SLC7A9: variants seen among roughly 807,000 people sequenced by gnomAD.
The protein encoded by SLC7A9 is B(0,+)-type amino acid transporter 1.
SLC7A9 carries 38 observed loss-of-function variants against 54.1 expected under a neutral mutation model. That is an observed-to-expected ratio of 0.70 (90% CI 0.54 to 0.92). SLC7A9 has a LOEUF of 0.92. SLC7A9 is among the 40% of genes least tolerant of loss of function. The pLI is 0.00. For synonymous variants in SLC7A9, 264 were observed against 258.9 expected (o/e 1.02, Z -0.19); for missense variants, 537 against 636.1 (o/e 0.84, Z 1.68).
intron 12 of SLC7A9, chr19:32,832,858 A>G: frequency 5.1e-6 from 2 of 389,908 alleles, no homozygotes; most frequent in South Asian, 4.5e-5. Flanking sequence ...GCAGTGAGCT[A>G]TGACCATGCC....
chr19:32,858,766 A>ATATTTATTTATTTATTTATT (rs1417681756), intron 8 of SLC7A9, among the ~76,000 whole-genome samples: 37 of 95,748 alleles, frequency 3.9e-4, no homozygotes, highest in African/African-American at 1.2e-3. Context: ...CCTGGCATAA[A>ATATTTATTTATTTATTTATT]TCTTTATTTA....
At chr19:32,867,632 G>A (rs1969009799) in intron 2 of SLC7A9, among the ~76,000 whole-genome samples, 1 of 151,952 alleles carries the variant, frequency 6.6e-6, no homozygotes, top group Non-Finnish European at 1.5e-5. Flanking sequence ...ACACACAAAA[G>A]CACCTATTTA....
At chr19:32,840,920 A>G (rs1041001018) in intron 11 of SLC7A9, among the ~76,000 whole-genome samples, 3 of 152,154 alleles carry the variant, frequency 2.0e-5, no homozygotes, top group Non-Finnish European at 4.4e-5. Flanking sequence ...TGTGTTGACA[A>G]TGTTGGCTGA....
At chr19:32,837,903 C>T (rs1402310836) in intron 11 of SLC7A9, among the ~76,000 whole-genome samples, 4 of 152,094 alleles carry the variant, frequency 2.6e-5, no homozygotes, top group Non-Finnish European at 4.4e-5. Flanking sequence ...TGCATGGATT[C>T]TATAGTTCAG....
intron 9 of SLC7A9, 59 bp downstream of exon 9, chr19:32,858,381 G>A: frequency 8.6e-7 from 1 of 1,169,170 alleles, no homozygotes; most frequent in Non-Finnish European, 1.3e-6. Context: ...TCTTCCTCGG[G>A]GGTGATATTG....
intron 11 of SLC7A9, among the ~76,000 whole-genome samples, chr19:32,841,627 C>T (rs1238363942): frequency 1.3e-5 from 2 of 152,128 alleles, no homozygotes; most frequent in Admixed American, 1.3e-4. Context: ...CAGAACTGGG[C>T]TGGGTGCAGT....
intron 6 of SLC7A9, 54 bp from the exon 7 acceptor site, chr19:32,860,704 T>C: frequency 6.2e-7 from 1 of 1,608,912 alleles, no homozygotes; most frequent in Non-Finnish European, 8.5e-7. Context: ...TTTTCGATAA[T>C]GAAACCCACA....
At chr19:32,837,637 A>ATTGG (rs1968001185) in intron 11 of SLC7A9, among the ~76,000 whole-genome samples, 1 of 152,172 alleles carries the variant, frequency 6.6e-6, no homozygotes, top group Admixed American at 6.6e-5. Context: ...CCAAACAGTT[A>ATTGG]ACATGGTTGT....
intron 9 of SLC7A9, among the ~76,000 whole-genome samples, chr19:32,847,592 A>G (rs1315803136): frequency 5.9e-5 from 9 of 152,242 alleles, no homozygotes; most frequent in East Asian, 3.8e-4. Context: ...GGAGAATGGA[A>G]CCAAGTTGGA....
At chr19:32,866,841 G>A (rs986547937) in intron 2 of SLC7A9, among the ~76,000 whole-genome samples, 5 of 152,158 alleles carry the variant, frequency 3.3e-5, no homozygotes, top group East Asian at 1.9e-4. Flanking sequence ...GGGAGCTCTC[G>A]GAGGCCCTGC....
At chr19:32,861,966 G>T in intron 6 of SLC7A9, 152 bp downstream of exon 6, 1 of 705,158 alleles carries the variant, frequency 1.4e-6, no homozygotes, top group Non-Finnish European at 2.6e-6. Flanking sequence ...AGAGGTTGTC[G>T]CATCCTTCAC....
chr19:32,864,561 C>G, intron 3 of SLC7A9, 68 bp downstream of exon 3: 2 of 1,598,228 alleles, frequency 1.3e-6, no homozygotes, highest in Non-Finnish European at 8.5e-7. Flanking sequence ...AGGGCTGGCA[C>G]AGGTAGCAGC....
rs765307691 is a variant in SLC7A9, at chr19:32,862,163, G to A, written c.659C>T (p.Ala220Val). The A allele has an allele frequency of 6.2e-7, 1 of 1,613,738 alleles. No homozygotes were observed. Among genetic ancestry groups the A allele is most frequent in the South Asian group, 1.1e-5 (1 of 91,072 alleles). ...TCCATTGTAAAACGCCAGGCTGATG[G>A]CTCCCACAGACAGCTGGGCGCCCTC... ...SFEGAQLSVG[A>V]ISLAFYNGLW... Residue 220 changes from alanine (A) to valine (V), a missense_variant, in exon 6 of 13, where the codon GCC becomes GTC. Coordinates refer to ENST00000023064, the MANE Select transcript of SLC7A9 (RefSeq NM_014270.5).
chr19:32,862,319 C>T, intron 5 of SLC7A9, 102 bp from the exon 6 acceptor site: 1 of 1,453,902 alleles, frequency 6.9e-7, no homozygotes, highest in Non-Finnish European at 9.6e-7. Context: ...GCTTAATAAA[C>T]ACGCCCTGAA....
At chr19:32,860,957 C>CTTT (rs1334630351) in intron 6 of SLC7A9, among the ~76,000 whole-genome samples, 1 of 152,146 alleles carries the variant, frequency 6.6e-6, no homozygotes, top group Non-Finnish European at 1.5e-5. Flanking sequence ...TATTCTTTGT[C>CTTT]TGAAAAGGGA....
At chr19:32,852,027 G>C (rs1035719394) in intron 9 of SLC7A9, among the ~76,000 whole-genome samples, 2 of 152,008 alleles carry the variant, frequency 1.3e-5, no homozygotes, top group African/African-American at 2.4e-5. Flanking sequence ...GTTGTGGGGT[G>C]GGGGGAGCGG....
intron 1 of SLC7A9, among the ~76,000 whole-genome samples, chr19:32,869,053 C>CA (rs5827824): frequency 0.019 from 2,057 of 108,618 alleles, 24 homozygotes; most frequent in Middle Eastern, 0.042. Flanking sequence ...ACTAAAAATG[C>CA]AAAAAAAAAA....
At chr19:32,854,331 T>TTAA (rs1211614757) in intron 9 of SLC7A9, among the ~76,000 whole-genome samples, 2 of 152,050 alleles carry the variant, frequency 1.3e-5, no homozygotes, top group African/African-American at 2.4e-5. Context: ...CTCAGTACTT[T>TTAA]TAAGACAGCA....
chr19:32,838,724 G>C (rs1224932676), intron 11 of SLC7A9, among the ~76,000 whole-genome samples: 1 of 146,266 alleles, frequency 6.8e-6, no homozygotes, highest in Admixed American at 6.9e-5. Context: ...ATATGTATTT[G>C]TATGTATAAC....
Sources: gnomAD v4.1 joint callset for allele counts (sites outside exome capture counted in the v4.1 genomes callset) on GRCh38, gnomAD v4.1.1 for gene constraint, MANE v1.5 for transcripts, NCBI Gene and HGNC (gene_info 2026-07-23, HGNC 2026-07-21) for gene names.